The following NCAM2 variants were observed in gnomAD, a reference collection of about 807,000 sequenced individuals.
NCAM2 encodes the protein neural cell adhesion molecule 2.
Under a neutral mutation model 98.1 loss-of-function variants are expected in NCAM2, and 30 were observed. That is an observed-to-expected ratio of 0.31 (90% CI 0.23 to 0.41). The LOEUF (loss-of-function observed/expected upper bound fraction) is 0.41. Ranked by LOEUF, NCAM2 falls within the 10% of genes least tolerant of loss-of-function variation. NCAM2 has a pLI of 1.00. For missense variants in NCAM2, 867 were observed against 1,005.8 expected, an observed-to-expected ratio of 0.86 and a Z score of 1.87; for synonymous variants, 368 against 342.4, an observed-to-expected ratio of 1.07 and a Z score of -0.83.
intron 12 of NCAM2, among the ~76,000 whole-genome samples, chr21:21,444,091 A>G (rs1207817550): frequency 2.0e-5 from 3 of 152,018 alleles, no homozygotes; most frequent in African/African-American, 7.2e-5. Context: ...TATTGAGATT[A>G]TCGTGGTTTT....
intron 5 of NCAM2, among the ~76,000 whole-genome samples, chr21:21,296,739 A>G (rs1310158253): frequency 1.3e-5 from 2 of 151,802 alleles, no homozygotes; most frequent in Admixed American, 6.6e-5. Flanking sequence ...GAAGGCGTAC[A>G]ATAAAACTAG....
At chr21:21,193,172 T>C (rs551475167) in intron 1 of NCAM2, among the ~76,000 whole-genome samples, 2 of 152,334 alleles carry the variant, frequency 1.3e-5, no homozygotes, top group East Asian at 3.9e-4. Flanking sequence ...TCTGTGTCTA[T>C]CATGTCTAGC....
intron 9 of NCAM2, chr21:21,385,614 T>A: frequency 7.8e-7 from 1 of 1,287,716 alleles, no homozygotes; most frequent in Non-Finnish European, 1.0e-6. Flanking sequence ...CTTAAACAGA[T>A]TTCTTGGCAT....
At chr21:21,051,468 C>A (rs894454755) in intron 1 of NCAM2, among the ~76,000 whole-genome samples, 1 of 152,180 alleles carries the variant, frequency 6.6e-6, no homozygotes, top group Admixed American at 6.5e-5. Flanking sequence ...GTAGTGGATG[C>A]TTAATTAAAT....
chr21:21,519,913 A>T (rs1056456862), intron 16 of NCAM2, among the ~76,000 whole-genome samples: 1 of 152,054 alleles, frequency 6.6e-6, no homozygotes, highest in Non-Finnish European at 1.5e-5. Context: ...CATTAATTAC[A>T]CCTAAAGCAT....
chr21:21,331,676 A>G lies in NCAM2; in HGVS notation c.738-3829A>G, dbSNP rs370865913. Among the ~76,000 whole-genome samples, 43 of 129,696 alleles carry G rather than the reference A, an allele frequency of 3.3e-4. No homozygotes were observed. The South Asian group carries it at 0.011, about 33-fold the overall frequency. 85.1% of individuals were successfully genotyped at this position (129,696 alleles called of 152,430 possible). A position where few individuals can be genotyped will look rare whatever the true frequency, so the allele number is the denominator to read the frequency against. The stretch of plus-strand genomic sequence containing the variant: ...GCGATCTTGGCCCACTGCAACCTCT[A>G]CCTCCCTGGTTCAGGCAATTCTCCT... On this transcript the variant is annotated intron_variant, in intron 6 of 17. Transcript: ENST00000400546.
chr21:21,237,427 T>C (rs2070875736), intron 1 of NCAM2, among the ~76,000 whole-genome samples: 1 of 152,134 alleles, frequency 6.6e-6, no homozygotes, highest in Non-Finnish European at 1.5e-5. Flanking sequence ...ATTATGAACA[T>C]TGTGAGTACT....
At chr21:21,267,879 A>T (rs182583632) in intron 1 of NCAM2, among the ~76,000 whole-genome samples, 1 of 152,290 alleles carries the variant, frequency 6.6e-6, no homozygotes, top group East Asian at 1.9e-4. Context: ...TGCAGTTTAT[A>T]CAGTTAATTG....
intron 1 of NCAM2, among the ~76,000 whole-genome samples, chr21:21,075,991 C>T (rs954608682): frequency 1.3e-5 from 2 of 151,854 alleles, no homozygotes; most frequent in African/African-American, 4.8e-5. Context: ...GTGGCATCTG[C>T]CTGTAGTCCC....
At chr21:21,095,033 GTAT>G (rs1407083923) in intron 1 of NCAM2, among the ~76,000 whole-genome samples, 2 of 151,696 alleles carry the variant, frequency 1.3e-5, no homozygotes, top group African/African-American at 4.8e-5. Context: ...GATTAGTCAA[GTAT>G]TATAAATATT....
At chr21:21,265,418 AAT>A (rs1568857009) in intron 1 of NCAM2, among the ~76,000 whole-genome samples, 6 of 98,442 alleles carry the variant, frequency 6.1e-5, no homozygotes, top group South Asian at 3.3e-4. Flanking sequence ...GTGTATATAT[AAT>A]ATATGTGTGT....
chr21:21,420,936 T>C (rs2077098173), intron 11 of NCAM2, among the ~76,000 whole-genome samples: 2 of 152,016 alleles, frequency 1.3e-5, no homozygotes, highest in South Asian at 4.1e-4. Context: ...ATAAGAAACA[T>C]TCACTACTCA....
intron 1 of NCAM2, among the ~76,000 whole-genome samples, chr21:21,116,791 C>T (rs2066569868): frequency 1.3e-5 from 2 of 151,692 alleles, no homozygotes; most frequent in Admixed American, 1.3e-4. Flanking sequence ...GGAGGCGGAG[C>T]TTGCAGTGAG....
At chr21:21,139,627 GGTA>G (rs778794212) in intron 1 of NCAM2, among the ~76,000 whole-genome samples, 14 of 152,186 alleles carry the variant, frequency 9.2e-5, no homozygotes, top group Non-Finnish European at 1.9e-4. Flanking sequence ...TAAATATTCA[GGTA>G]GTTTTTTAAT....
chr21:21,188,998 G>A (rs963907094), intron 1 of NCAM2, among the ~76,000 whole-genome samples: 3 of 152,138 alleles, frequency 2.0e-5, no homozygotes, highest in Non-Finnish European at 4.4e-5. Context: ...AGAAACTTAT[G>A]AGAACCCTCC....
At position 21,055,389 on chromosome 21, in the gene NCAM2, A is replaced by G. The variant is rs569363305; in HGVS notation, c.55+56771A>G. 8.5e-5 allele frequency among the ~76,000 whole-genome samples: 13 copies of G among 152,178 alleles called. No individual in the cohort carries two copies. The South Asian group carries it at 2.3e-3, about 27-fold the overall frequency. On this transcript the variant is annotated intron_variant, in intron 1 of 17. Coordinates refer to ENST00000400546, the MANE Select transcript of NCAM2 (RefSeq NM_004540.5). ...CCTTATTATCTCTTGTGATCCAACA[A>G]CTTATTATCCAGTAAATAACAAACA...
intron 1 of NCAM2, among the ~76,000 whole-genome samples, chr21:21,061,963 G>A (rs1431146215): frequency 6.6e-6 from 1 of 152,096 alleles, no homozygotes; most frequent in Non-Finnish European, 1.5e-5. Flanking sequence ...GTAATGGAGA[G>A]GGTAGCATAG....
At position 21,345,997 on chromosome 21, in the gene NCAM2, G is replaced by A. The variant is rs116715298; in HGVS notation, c.1044+7463G>A. On this transcript the variant is annotated intron_variant, in intron 8 of 17. Coordinates refer to ENST00000400546, the MANE Select transcript of NCAM2 (RefSeq NM_004540.5). ...TAGAAAGAAGGAAGAGAAGACCACA[G>A]AACAACCAGAAAACAACAAAATGGT... 1.5e-3 allele frequency among the ~76,000 whole-genome samples: 227 copies of A among 152,036 alleles called. 2 individuals carry two copies. The highest frequency in any genetic ancestry group is 5.2e-3 in the African/African-American group (217 of 41,506).
chr21:21,052,472 A>C (rs1003018546), intron 1 of NCAM2, among the ~76,000 whole-genome samples: 3 of 152,036 alleles, frequency 2.0e-5, no homozygotes, highest in African/African-American at 7.3e-5. Context: ...TTTAGTCCAT[A>C]TTCTATTTCA....
Sources: gnomAD v4.1 joint callset for allele counts (sites outside exome capture counted in the v4.1 genomes callset) on GRCh38, gnomAD v4.1.1 for gene constraint, MANE v1.5 for transcripts, NCBI Gene and HGNC (gene_info 2026-07-23, HGNC 2026-07-21) for gene names.